The following EPHA3 variants were observed in gnomAD, a reference collection of about 807,000 sequenced individuals.
EPHA3 encodes the protein EPH receptor A3, also known as ephrin type-A receptor 3.
Under a neutral mutation model 107.1 loss-of-function variants are expected in EPHA3, and 42 were observed. The observed-to-expected ratio is 0.39, with a 90% CI of 0.31 to 0.51. The LOEUF (loss-of-function observed/expected upper bound fraction) is 0.51, where lower values mean the gene tolerates loss of function less well. EPHA3 is among the 20% of genes least tolerant of loss of function. The probability of loss-of-function intolerance (pLI) is 0.78; values close to 1 mark genes in which losing one functional copy is unlikely to be tolerated. For missense variants in EPHA3, 1,183 were observed against 1,211.2 expected (o/e 0.98, Z 0.35); for synonymous variants, 461 against 424.8 (o/e 1.09, Z -1.05).
At chr3:89,376,719 C>T (rs1403990209) in intron 5 of EPHA3, among the ~76,000 whole-genome samples, 1 of 152,026 alleles carries the variant, frequency 6.6e-6, no homozygotes, top group African/African-American at 2.4e-5. Context: ...AAGGTTGATA[C>T]TAAGCCTTGA....
chr3:89,395,699 T>C, intron 5 of EPHA3, 138 bp from the exon 6 acceptor site: 1 of 1,008,520 alleles, frequency 9.9e-7, no homozygotes, highest in Non-Finnish European at 1.5e-6. Context: ...GAAATGGAAA[T>C]AGTGCTTTCT....
chr3:89,132,013 T>C (rs1224581333), intron 2 of EPHA3, among the ~76,000 whole-genome samples: 1 of 152,150 alleles, frequency 6.6e-6, no homozygotes, highest in Non-Finnish European at 1.5e-5. Flanking sequence ...ACCATGATAG[T>C]TATTGTTGCA....
intron 2 of EPHA3, among the ~76,000 whole-genome samples, chr3:89,205,380 A>G (rs1706074977): frequency 1.3e-5 from 2 of 152,334 alleles, no homozygotes; most frequent in South Asian, 2.1e-4. Flanking sequence ...ATTCAGTGAC[A>G]AGGAACTGTG....
chr3:89,363,288 C>T lies in EPHA3; in HGVS notation c.1306+21198C>T, dbSNP rs557992253. Among the ~76,000 whole-genome samples, 676 of 150,074 alleles carry T rather than the reference C, an allele frequency of 4.5e-3. 15 individuals carry two copies. Among genetic ancestry groups the T allele is most frequent in the Middle Eastern group, 0.017 (5 of 290 alleles). On this transcript the variant is annotated intron_variant, in intron 5 of 16. Transcript: ENST00000336596. ...AGAGAGATAGCGAGGGGGCAGGAGACAGAGAGAGAGTGAGAGAGAGAGAGT... is the reference window on the plus strand; with the variant it reads ...AGAGAGATAGCGAGGGGGCAGGAGATAGAGAGAGAGTGAGAGAGAGAGAGT...
At chr3:89,206,126 C>A (rs747559966) in intron 2 of EPHA3, among the ~76,000 whole-genome samples, 1 of 152,122 alleles carries the variant, frequency 6.6e-6, no homozygotes, top group Non-Finnish European at 1.5e-5. Context: ...CCCTTACAAG[C>A]AATTTGGCCT....
At chr3:89,456,356 T>A (rs1166121725) in intron 15 of EPHA3, among the ~76,000 whole-genome samples, 2 of 152,206 alleles carry the variant, frequency 1.3e-5, no homozygotes, top group Non-Finnish European at 2.9e-5. Context: ...TACCCTGTAG[T>A]GTCTTTTAAG....
At chr3:89,407,224 C>T in intron 7 of EPHA3, 45 bp from the exon 8 acceptor site, 1 of 1,393,130 alleles carries the variant, frequency 7.2e-7, no homozygotes, top group Non-Finnish European at 1.0e-6. Context: ...AGATGTTAGT[C>T]ATGATTATAA....
chr3:89,163,494 T>C (rs553420690), intron 2 of EPHA3, among the ~76,000 whole-genome samples: 6 of 152,192 alleles, frequency 3.9e-5, no homozygotes, highest in Non-Finnish European at 7.3e-5. Context: ...TTATTGATTT[T>C]ATTACATTAT....
chr3:89,154,350 A>T (rs1438398455), intron 2 of EPHA3, among the ~76,000 whole-genome samples: 1 of 151,592 alleles, frequency 6.6e-6, no homozygotes, highest in African/African-American at 2.4e-5. Context: ...TGTTAAATGC[A>T]TGAATAAGTT....
At chr3:89,116,559 C>T (rs1218547657) in intron 1 of EPHA3, among the ~76,000 whole-genome samples, 5 of 151,858 alleles carry the variant, frequency 3.3e-5, no homozygotes, top group Non-Finnish European at 7.4e-5. Flanking sequence ...AAGTTGGGGG[C>T]AATTATATTT....
At chr3:89,264,521 G>A (rs78131555) in intron 3 of EPHA3, among the ~76,000 whole-genome samples, 11,185 of 152,120 alleles carry the variant, frequency 0.074, 540 homozygotes, top group Middle Eastern at 0.14. Flanking sequence ...TGTTAGTTAC[G>A]TATTCTAATG....
chr3:89,242,083 G>A (rs1420747140), intron 3 of EPHA3, among the ~76,000 whole-genome samples: 2 of 152,126 alleles, frequency 1.3e-5, no homozygotes, highest in Admixed American at 1.3e-4. Context: ...AATCAATGAG[G>A]ATATGAAAGG....
chr3:89,386,374 T>A (rs1478156924), intron 5 of EPHA3, among the ~76,000 whole-genome samples: 1 of 152,202 alleles, frequency 6.6e-6, no homozygotes, highest in East Asian at 1.9e-4. Context: ...GTGTCCCAGC[T>A]GCTCCAGCTG....
At chr3:89,372,114 C>T (rs972229044) in intron 5 of EPHA3, among the ~76,000 whole-genome samples, 1 of 151,516 alleles carries the variant, frequency 6.6e-6, no homozygotes, top group South Asian at 2.1e-4. Flanking sequence ...TGAAACATTC[C>T]GATAAAATTG....
chr3:89,114,631 C>A lies in EPHA3; in HGVS notation c.88+6795C>A, dbSNP rs187814236. Among the ~76,000 whole-genome samples, 6 of 152,308 alleles carry A rather than the reference C, an allele frequency of 3.9e-5. No homozygotes were observed. The South Asian group carries it at 1.0e-3, about 26-fold the overall frequency. On this transcript the variant is annotated intron_variant, in intron 1 of 16. Coordinates refer to ENST00000336596, the MANE Select transcript of EPHA3 (RefSeq NM_005233.6). The stretch of plus-strand genomic sequence containing the variant: ...TCCCGAGGTAGGGTGGGTGGGCGAG[C>A]GCAGCCTGATGCTCTTTTGCTCCGG...
At chr3:89,130,620 C>T (rs1169256878) in intron 2 of EPHA3, among the ~76,000 whole-genome samples, 1 of 148,516 alleles carries the variant, frequency 6.7e-6, no homozygotes, top group Non-Finnish European at 1.5e-5. Flanking sequence ...AGTAGTATTT[C>T]TATCTCCTTT....
chr3:89,347,381 T>C (rs1239068585), intron 5 of EPHA3, among the ~76,000 whole-genome samples: 28 of 149,602 alleles, frequency 1.9e-4, no homozygotes, highest in African/African-American at 6.3e-4. Context: ...TTTGAAGCAA[T>C]TGTGAATGGG....
intron 3 of EPHA3, among the ~76,000 whole-genome samples, chr3:89,252,840 T>C (rs538731290): frequency 1.6e-4 from 24 of 149,678 alleles, no homozygotes; most frequent in African/African-American, 5.6e-4. Flanking sequence ...TTAATTTATA[T>C]ATATAATTTT....
intron 6 of EPHA3, among the ~76,000 whole-genome samples, chr3:89,397,877 CT>C (rs1273113651): frequency 6.6e-6 from 1 of 152,176 alleles, no homozygotes; most frequent in Non-Finnish European, 1.5e-5. Flanking sequence ...GCCACCACCC[CT>C]GGACATTACT....
Sources: gnomAD v4.1 joint callset for allele counts (sites outside exome capture counted in the v4.1 genomes callset) on GRCh38, gnomAD v4.1.1 for gene constraint, MANE v1.5 for transcripts, NCBI Gene and HGNC (gene_info 2026-07-23, HGNC 2026-07-21) for gene names.